Variants in TEX15 observed in about 807,000 individuals in gnomAD.
TEX15 encodes testis-expressed protein 15.
A neutral mutation model predicts 237.3 loss-of-function variants in TEX15; 171 were observed. The observed-to-expected ratio is 0.72, with a 90% CI of 0.64 to 0.82. The LOEUF (loss-of-function observed/expected upper bound fraction) is 0.82, where lower values mean the gene tolerates loss of function less well. TEX15 is among the 40% of genes least tolerant of loss of function. The pLI, the probability that TEX15 is intolerant of heterozygous loss-of-function variation, is 0.00. For missense variants in TEX15, 3,750 were observed against 3,646.5 expected (o/e 1.03, Z -0.73); for synonymous variants, 1,338 against 1,269.8 (o/e 1.05, Z -1.14).
Position 30,843,648 on chromosome 8 carries a change from A to T in TEX15, c.6519T>A (p.Val2173=). Residue 2173 remains valine (V), a synonymous_variant, in exon 8 of 11, where the codon GTT becomes GTA. Transcript: ENST00000643185. ...YYVFLKYKRQ[V]NECEAIMEHC... Reference sequence around the variant, plus strand: ...GCTCCATTATGGCTTCACATTCATTAACCTGTCGTTTGTACTTTAAGAATA... The same window carrying T: ...GCTCCATTATGGCTTCACATTCATTTACCTGTCGTTTGTACTTTAAGAATA... 1 of 1,612,634 alleles carries T rather than the reference A, an allele frequency of 6.2e-7. No homozygotes were observed. Among genetic ancestry groups the T allele is most frequent in the Non-Finnish European group, 8.5e-7 (1 of 1,179,612 alleles).
chr8:30,882,568 G>A (rs1285704279), intron 3 of TEX15, among the ~76,000 whole-genome samples: 1 of 152,126 alleles, frequency 6.6e-6, no homozygotes, highest in Non-Finnish European at 1.5e-5. Flanking sequence ...TTACAGACGT[G>A]AGCCACTGTG....
chr8:30,886,900 T>C (rs1808659803), intron 3 of TEX15: 2 of 271,454 alleles, frequency 7.4e-6, no homozygotes, highest in Admixed American at 5.3e-5. Context: ...CATTCCCTAG[T>C]TGGTTGGTCT....
chr8:30,849,044 G>A lies in TEX15; in HGVS notation c.1123C>T (p.Leu375Phe). 1.9e-6 allele frequency: 3 copies of A among 1,614,096 alleles called. No individual in the cohort carries two copies. Among genetic ancestry groups the A allele is most frequent in the East Asian group, 2.2e-5 (1 of 44,872 alleles). The change falls in exon 8 of 11, where the codon CTT (leucine) becomes TTT (phenylalanine). Residue 375 changes from leucine to phenylalanine, a missense_variant. Leu to Phe is a conservative substitution (Grantham distance 22). Transcript: ENST00000643185. ...LAEIRDTSQV[L>F]AHDSDISLMP... Reference sequence around the variant, plus strand: ...AGTGAAATGTCTGAATCATGTGCAAGTACTTGAGAAGTGTCTCTAATTTCT... The same window carrying A: ...AGTGAAATGTCTGAATCATGTGCAAATACTTGAGAAGTGTCTCTAATTTCT...
intron 1 of TEX15, among the ~76,000 whole-genome samples, chr8:30,911,406 C>T (rs1468105118): frequency 6.6e-6 from 1 of 152,202 alleles, no homozygotes; most frequent in Non-Finnish European, 1.5e-5. Flanking sequence ...CCCGCCTTGG[C>T]CTCCCAAAAT....
intron 1 of TEX15, among the ~76,000 whole-genome samples, chr8:30,899,676 G>C (rs1808971544): frequency 6.6e-6 from 1 of 152,094 alleles, no homozygotes; most frequent in African/African-American, 2.4e-5. Flanking sequence ...GACCTCTAGT[G>C]ATCTGTCCGC....
At chr8:30,905,814 G>A (rs911791146) in intron 1 of TEX15, among the ~76,000 whole-genome samples, 2 of 151,712 alleles carry the variant, frequency 1.3e-5, no homozygotes, top group African/African-American at 4.9e-5. Context: ...TGAGGTGGGA[G>A]GATTGCTTGA....
Position 30,887,278 on chromosome 8 carries a change from G to T in TEX15, c.25C>A (p.Gln9Lys). 1 of 1,532,070 alleles carries T rather than the reference G, an allele frequency of 6.5e-7. No homozygotes were observed. Among genetic ancestry groups the T allele is most frequent in the Non-Finnish European group, 8.7e-7 (1 of 1,145,608 alleles). The allele number at this position is 1,532,070 out of a possible 1,614,324, so 94.9% of individuals were successfully genotyped here. The change falls in exon 3 of 11, where the codon CAG becomes AAG. Residue 9 changes from glutamine to lysine, a missense_variant. Transcript: ENST00000643185. MEMKETAK[Q>K]DTLWQMSSTS... ...GAGCTCATTTGCCACAGTGTATCCTGTTTAGCAGTTTCTTTCATTTCCATT... is the reference window on the plus strand; with the variant it reads ...GAGCTCATTTGCCACAGTGTATCCTTTTTAGCAGTTTCTTTCATTTCCATT...
intron 7 of TEX15, among the ~76,000 whole-genome samples, chr8:30,853,482 T>TA (rs1807835079): frequency 1.3e-5 from 2 of 151,874 alleles, no homozygotes; most frequent in South Asian, 4.2e-4. Flanking sequence ...AATATAACAA[T>TA]AAAAAATAAT....
rs1807537401 is a variant in TEX15, at chr8:30,844,293, CG to C, written c.5873del (p.Thr1958SerfsTer17). On this transcript the variant is annotated frameshift_variant, in exon 8 of 11. Transcript: ENST00000643185. LOFTEE classifies it high-confidence loss of function. ...TTTCAGAGTGGGCAGGTAAAATAGG[CG>C]TATGATTAACTCCTAGAATTCCTGG... ...SKPGILGVNHTPILPAHSETC... is the reference protein window; with the variant it reads ...SKPGILGVNHXPILPAHSETC... The C allele has an allele frequency of 2.5e-6, 4 of 1,613,250 alleles. No individual in the cohort carries two copies. Among genetic ancestry groups the C allele is most frequent in the Non-Finnish European group, 3.4e-6 (4 of 1,179,462 alleles).
At chr8:30,880,320 A>G (rs1808492469) in intron 3 of TEX15, among the ~76,000 whole-genome samples, 1 of 152,226 alleles carries the variant, frequency 6.6e-6, no homozygotes, top group Non-Finnish European at 1.5e-5. Context: ...GTGAGCCACC[A>G]TGACCGGCTG....
intron 3 of TEX15, among the ~76,000 whole-genome samples, chr8:30,883,544 C>G (rs1328813498): frequency 6.6e-6 from 1 of 152,054 alleles, no homozygotes; most frequent in Non-Finnish European, 1.5e-5. Flanking sequence ...TGTGTTGTTT[C>G]CCTCCCCGTG....
Position 30,844,305 on chromosome 8 carries a change from T to G in TEX15, c.5862A>C (p.Gly1954=). ...CAGGTAAAATAGGCGTATGATTAACTCCTAGAATTCCTGGTTTGGAAATAT... is the reference window on the plus strand; with the variant it reads ...CAGGTAAAATAGGCGTATGATTAACGCCTAGAATTCCTGGTTTGGAAATAT... ...IAYISKPGIL[G]VNHTPILPAH... The change falls in exon 8 of 11, where the codon GGA becomes GGC. Residue 1954 remains glycine, a synonymous_variant. Transcript: ENST00000643185. The G allele has an allele frequency of 6.2e-7, 1 of 1,613,426 alleles. No homozygotes were observed. Among genetic ancestry groups the G allele is most frequent in the Non-Finnish European group, 8.5e-7 (1 of 1,179,532 alleles).
chr8:30,886,321 G>A (rs574805697), intron 3 of TEX15, among the ~76,000 whole-genome samples: 161 of 152,316 alleles, frequency 1.1e-3, no homozygotes, highest in African/African-American at 3.6e-3. Flanking sequence ...ATACCCTGGG[G>A]AGTATCCCTG....
In TEX15 at chr8:30,844,235, C is replaced by T. The variant is rs1309572471; in HGVS notation, c.5932G>A (p.Ala1978Thr). The T allele has an allele frequency of 1.2e-6, 2 of 1,612,228 alleles. No individual in the cohort carries two copies. The highest frequency in any genetic ancestry group is 8.5e-7 in the Non-Finnish European group (1 of 1,179,264). ...CKVPTLLKKPASYVSDFKEKH... is the reference protein window; with the variant it reads ...CKVPTLLKKPTSYVSDFKEKH... ...TCTTTAAAATCACTCACGTATGACG[C>T]AGGTTTCTTCAGAAGAGTAGGGACT... Residue 1978 changes from alanine (A) to threonine (T), a missense_variant, in exon 8 of 11, where the codon GCG (alanine) becomes ACG (threonine). Ala to Thr is a moderately conservative substitution (Grantham distance 58, BLOSUM62 0). Transcript: ENST00000643185.
intron 2 of TEX15, among the ~76,000 whole-genome samples, chr8:30,893,516 G>T (rs1333130238): frequency 9.2e-5 from 14 of 152,060 alleles, no homozygotes; most frequent in Non-Finnish European, 1.5e-5. Context: ...AACTGATAAT[G>T]ACAGGTATCT....
intron 2 of TEX15, among the ~76,000 whole-genome samples, chr8:30,894,959 C>T (rs1465828478): frequency 6.6e-6 from 1 of 152,116 alleles, no homozygotes; most frequent in East Asian, 1.9e-4. Flanking sequence ...CCCTCACCAG[C>T]TACCAAATCT....
In TEX15 at chr8:30,847,640, A is replaced by G; in HGVS notation, c.2527T>C (p.Ser843Pro). 6.2e-7 allele frequency: 1 copy of G among 1,613,716 alleles called. No homozygotes were observed. The highest frequency in any genetic ancestry group is 8.5e-7 in the Non-Finnish European group (1 of 1,179,854). Reference protein sequence around the residue: ...RGQDHNLFCNSQLSNDIWLNV... With the variant: ...RGQDHNLFCNPQLSNDIWLNV... ...AGCCATATATCATTGCTTAACTGTG[A>G]ATTACAGAACAGATTGTGATCCTGA... The change falls in exon 8 of 11, where the codon TCA (serine) becomes CCA (proline). Residue 843 changes from serine to proline, a missense_variant. Coordinates refer to ENST00000643185, the MANE Select transcript of TEX15 (RefSeq NM_001350162.2).
At chr8:30,861,064 G>T (rs983253392) in intron 5 of TEX15, among the ~76,000 whole-genome samples, 1 of 151,622 alleles carries the variant, frequency 6.6e-6, no homozygotes, top group African/African-American at 2.4e-5. Flanking sequence ...ACAAAAAAAA[G>T]AATGAAAGAA....
At position 30,845,007 on chromosome 8, in the gene TEX15, T is replaced by C. The variant is rs751331226; in HGVS notation, c.5160A>G (p.Leu1720=). Residue 1720 remains leucine (L), a synonymous_variant, in exon 8 of 11, where the codon TTA becomes TTG. Transcript: ENST00000643185. The part of the protein sequence containing the change: ...IASKKYSIPQ[L]SAAAVTDSEG... Reference sequence around the variant, plus strand: ...CACTATCTGTCACTGCAGCGGCTGATAACTGAGGAATACTGTACTTTTTAC... The same window carrying C: ...CACTATCTGTCACTGCAGCGGCTGACAACTGAGGAATACTGTACTTTTTAC... The C allele has an allele frequency of 6.2e-7, 1 of 1,613,594 alleles. No homozygotes were observed.
Sources: allele counts gnomAD v4.1 joint callset (sites outside exome capture counted in the v4.1 genomes callset), GRCh38; gene constraint gnomAD v4.1.1; transcripts MANE v1.5; gene names NCBI Gene and HGNC (gene_info 2026-07-23, HGNC 2026-07-21).